Variants in CNTN6 observed in about 807,000 individuals in gnomAD.
CNTN6 encodes contactin-6.
In CNTN6, 137 loss-of-function variants were observed where a neutral mutation model predicts 122.8. The observed-to-expected ratio is 1.12, with a 90% CI of 0.97 to 1.29. The LOEUF (loss-of-function observed/expected upper bound fraction) is 1.29, where lower values mean the gene tolerates loss of function less well. Ranked by LOEUF, CNTN6 falls within the 50% of genes most tolerant of loss-of-function variation. The pLI, the probability that CNTN6 is intolerant of heterozygous loss-of-function variation, is 0.00. For missense variants in CNTN6, 1,634 were observed against 1,223.4 expected (o/e 1.34, Z -5.01); for synonymous variants, 570 against 426.0 (o/e 1.34, Z -4.16).
intron 12 of CNTN6, among the ~76,000 whole-genome samples, chr3:1,369,490 C>G (rs1401593379): frequency 1.3e-5 from 2 of 149,372 alleles, no homozygotes; most frequent in Non-Finnish European, 3.0e-5. Context: ...AATGAGTTAA[C>G]TAGTGAAAAA....
chr3:1,348,400 C>A (rs886883728), intron 11 of CNTN6, among the ~76,000 whole-genome samples: 1 of 151,918 alleles, frequency 6.6e-6, no homozygotes, highest in Non-Finnish European at 1.5e-5. Context: ...TTAAAACTCT[C>A]TTCCAGAGCA....
intron 11 of CNTN6, among the ~76,000 whole-genome samples, chr3:1,340,951 C>G (rs1362200570): frequency 1.3e-5 from 2 of 152,146 alleles, no homozygotes; most frequent in Admixed American, 6.6e-5. Context: ...TTAAGGTCAT[C>G]TGACTTGAAT....
chr3:1,398,673 A>G (rs1695283897), intron 20 of CNTN6, among the ~76,000 whole-genome samples: 3 of 152,046 alleles, frequency 2.0e-5, no homozygotes, highest in African/African-American at 7.2e-5. Context: ...GGAATATTTC[A>G]TATTTTATTT....
chr3:1,214,846 C>T (rs943994285), intron 2 of CNTN6, among the ~76,000 whole-genome samples: 2 of 152,108 alleles, frequency 1.3e-5, no homozygotes, highest in South Asian at 2.1e-4. Flanking sequence ...AGCCTCAAAT[C>T]CCTGGGCTCA....
intron 11 of CNTN6, among the ~76,000 whole-genome samples, chr3:1,347,868 G>C (rs1704976525): frequency 1.3e-5 from 2 of 152,016 alleles, no homozygotes; most frequent in African/African-American, 4.8e-5. Context: ...ACTTAATGCT[G>C]AGGACAGTTT....
intron 5 of CNTN6, among the ~76,000 whole-genome samples, chr3:1,290,642 G>C (rs1024233022): frequency 1.3e-5 from 2 of 152,202 alleles, no homozygotes; most frequent in Non-Finnish European, 2.9e-5. Flanking sequence ...AGGAATAACA[G>C]AATGGCTACT....
intron 4 of CNTN6, among the ~76,000 whole-genome samples, chr3:1,264,038 A>C (rs1331546917): frequency 6.6e-6 from 1 of 152,062 alleles, no homozygotes; most frequent in East Asian, 1.9e-4. Flanking sequence ...GAAAAACAGG[A>C]AAATAAAATG....
In CNTN6 at chr3:1,243,012, A is replaced by G. The variant is rs557465746; in HGVS notation, c.358+15019A>G. Among the ~76,000 whole-genome samples the G allele has an allele frequency of 5.5e-4, 83 of 152,128 alleles. 2 individuals carry two copies. The highest frequency in any genetic ancestry group is 6.2e-4 in the South Asian group (3 of 4,818). ...TTACCTTCCACTGTGAGAGTTACCC[A>G]AAGCTCGGCGTCCGTGATGGTCTAC... On this transcript the variant is annotated intron_variant, in intron 4 of 22. Transcript: ENST00000446702.
intron 4 of CNTN6, among the ~76,000 whole-genome samples, chr3:1,228,953 A>C (rs1202791093): frequency 1.3e-5 from 2 of 152,200 alleles, no homozygotes; most frequent in Non-Finnish European, 2.9e-5. Flanking sequence ...AGATCCCTTG[A>C]TCTACACAGA....
chr3:1,261,382 T>C (rs964024727), intron 4 of CNTN6, among the ~76,000 whole-genome samples: 3 of 152,138 alleles, frequency 2.0e-5, no homozygotes, highest in Non-Finnish European at 2.9e-5. Context: ...TGGGCAATTG[T>C]GGCTCAGTAC....
At chr3:1,314,911 A>G (rs116039018) in intron 7 of CNTN6, among the ~76,000 whole-genome samples, 1,699 of 152,214 alleles carry the variant, frequency 0.011, 31 homozygotes, top group African/African-American at 0.039. Context: ...ACAAGGTTCA[A>G]GAATCCCTCA....
At chr3:1,352,289 G>A (rs1418202527) in intron 11 of CNTN6, 35 bp from the exon 12 acceptor site, 39 of 1,477,254 alleles carry the variant, frequency 2.6e-5, no homozygotes, top group Non-Finnish European at 3.5e-5. Context: ...GTGTTGAAGA[G>A]CCTTACTTCT....
At chr3:1,187,685 A>C (rs892757420) in intron 2 of CNTN6, among the ~76,000 whole-genome samples, 5 of 152,146 alleles carry the variant, frequency 3.3e-5, no homozygotes. Flanking sequence ...CAAGGGAAAA[A>C]TGCAAACGCA....
rs1214238016 is a variant in CNTN6, at chr3:1,246,166, C to A, written c.358+18173C>A. Among the ~76,000 whole-genome samples, 6 of 152,086 alleles carry A rather than the reference C, an allele frequency of 3.9e-5. No individual in the cohort carries two copies. In the East Asian group the frequency reaches 9.6e-4, roughly 24 times the overall value. On this transcript the variant is annotated intron_variant, in intron 4 of 22. Coordinates refer to ENST00000446702, the MANE Select transcript of CNTN6 (RefSeq NM_001289080.2). ...TCCAGGAATAGATATTTCCAACACC[C>A]CCAGAAGGTCCGCCCATTATATCCC...
chr3:1,302,945 T>TTTAA (rs56666010), intron 7 of CNTN6, among the ~76,000 whole-genome samples: 106,240 of 151,350 alleles, frequency 0.7, 38,467 homozygotes, highest in East Asian at 1. Context: ...TTTTAAAATT[T>TTTAA]TTATTTTTAT....
At chr3:1,182,286 A>C (rs1177864627) in intron 2 of CNTN6, among the ~76,000 whole-genome samples, 1 of 152,214 alleles carries the variant, frequency 6.6e-6, no homozygotes, top group East Asian at 1.9e-4. Context: ...TAGAACTGGA[A>C]TCTGATGATG....
chr3:1,344,703 C>G (rs182343956), intron 11 of CNTN6, among the ~76,000 whole-genome samples: 1 of 152,246 alleles, frequency 6.6e-6, no homozygotes, highest in East Asian at 1.9e-4. Flanking sequence ...CAACTCTTCC[C>G]TGAAAATAAA....
intron 5 of CNTN6, among the ~76,000 whole-genome samples, chr3:1,287,974 A>G (rs1288658563): frequency 6.6e-6 from 1 of 152,184 alleles, no homozygotes. Flanking sequence ...TACTTTCCTC[A>G]TAAACTTGCT....
rs545079599 is a variant in CNTN6, at chr3:1,123,878, G to A, written c.-82-24049G>A. Among the ~76,000 whole-genome samples, 7 of 152,022 alleles carry A rather than the reference G, an allele frequency of 4.6e-5. No homozygotes were observed. In the South Asian group the frequency reaches 8.3e-4, roughly 18 times the overall value. On this transcript the variant is annotated intron_variant, in intron 1 of 22. Coordinates refer to ENST00000446702, the MANE Select transcript of CNTN6 (RefSeq NM_001289080.2). ...TCTTTGTAGTCCTAGTTTTCTGAAT[G>A]TTTTTATCATGAAAGTGTTTTGGAC...
Sources: allele counts gnomAD v4.1 joint callset (sites outside exome capture counted in the v4.1 genomes callset), GRCh38; gene constraint gnomAD v4.1.1; transcripts MANE v1.5; gene names NCBI Gene and HGNC (gene_info 2026-07-23, HGNC 2026-07-21).